MYCBP2: variants seen among roughly 807,000 people sequenced by gnomAD.
The protein encoded by MYCBP2 is MYC binding protein 2, also known as E3 ubiquitin-protein ligase MYCBP2.
MYCBP2 carries 120 observed loss-of-function variants against 525.3 expected under a neutral mutation model. That is an observed-to-expected ratio of 0.23 (90% CI 0.20 to 0.27). The LOEUF (loss-of-function observed/expected upper bound fraction) is 0.27, where lower values mean the gene tolerates loss of function less well. Among genes scored for constraint, MYCBP2 ranks in the 10% least tolerant of loss-of-function variants. The pLI, the probability that MYCBP2 is intolerant of heterozygous loss-of-function variation, is 1.00. For synonymous variants in MYCBP2, 1,894 were observed against 1,955.8 expected (o/e 0.97, Z 0.83); for missense variants, 4,149 against 5,657.1 (o/e 0.73, Z 8.55).
At chr13:77,281,377 C>T (rs1400693911) in intron 3 of MYCBP2, among the ~76,000 whole-genome samples, 1 of 151,842 alleles carries the variant, frequency 6.6e-6, no homozygotes, top group Non-Finnish European at 1.5e-5. Context: ...AAATCATCTA[C>T]AATAAATATG....
chr13:77,212,908 G>C (rs531275516), intron 21 of MYCBP2, among the ~76,000 whole-genome samples: 1 of 152,046 alleles, frequency 6.6e-6, no homozygotes, highest in Non-Finnish European at 1.5e-5. Context: ...CCCCTGGCTC[G>C]GGACCTCTCT....
rs2046582702 is a variant in MYCBP2, at chr13:77,098,575, G to A, written c.8579C>T (p.Thr2860Ile). 9 of 1,613,754 alleles carry A rather than the reference G, an allele frequency of 5.6e-6. No homozygotes were observed. Among genetic ancestry groups the A allele is most frequent in the Non-Finnish European group, 7.6e-6 (9 of 1,179,808 alleles). The change falls in exon 56 of 83, where the codon ACA becomes ATA. Residue 2860 changes from threonine (T) to isoleucine (I), a missense_variant. Transcript: ENST00000544440. ...LPQKSTAPVKTKLDPPRERSK... is the reference protein window; with the variant it reads ...LPQKSTAPVKIKLDPPRERSK... ...ACGTTCCCGAGGAGGATCAAGCTTTGTCTTAACAGGAGCAGTACTTTTTTG... is the reference window on the plus strand; with the variant it reads ...ACGTTCCCGAGGAGGATCAAGCTTTATCTTAACAGGAGCAGTACTTTTTTG...
chr13:77,280,048 A>G lies in MYCBP2; in HGVS notation c.595-1137T>C, dbSNP rs544714810. On this transcript the variant is annotated intron_variant, in intron 3 of 82. Coordinates refer to ENST00000544440, the MANE Select transcript of MYCBP2 (RefSeq NM_015057.5). ...CTAGCATATGGTAGGCACACATTAA[A>G]TATTTGTTTAATTTATTCACTAAAT... Among the ~76,000 whole-genome samples, 70 of 152,336 alleles carry G rather than the reference A, an allele frequency of 4.6e-4. No homozygotes were observed. The East Asian group carries it at 0.01, about 22-fold the overall frequency.
chr13:77,203,040 G>T (rs1386655887), intron 26 of MYCBP2, among the ~76,000 whole-genome samples: 1 of 151,048 alleles, frequency 6.6e-6, no homozygotes, highest in African/African-American at 2.4e-5. Flanking sequence ...GGAAGTTCTG[G>T]CCAGGGCAAT....
chr13:77,263,823 A>T (rs778130863), intron 9 of MYCBP2, 34 bp from the exon 10 acceptor site: 5 of 1,611,938 alleles, frequency 3.1e-6, no homozygotes, highest in Non-Finnish European at 4.2e-6. Context: ...GCATTACATT[A>T]CATAAAGAGG....
At chr13:77,117,791 T>C (rs544511620) in intron 55 of MYCBP2, among the ~76,000 whole-genome samples, 1 of 152,296 alleles carries the variant, frequency 6.6e-6, no homozygotes, top group Non-Finnish European at 1.5e-5. Flanking sequence ...TTTTTGGGTA[T>C]CTTTTCCAAA....
intron 46 of MYCBP2, among the ~76,000 whole-genome samples, chr13:77,154,921 TAGAG>T (rs1286670710): frequency 6.6e-6 from 1 of 152,026 alleles, no homozygotes; most frequent in African/African-American, 2.4e-5. Flanking sequence ...AAAAATAAGA[TAGAG>T]AAAGCATCAG....
In MYCBP2 at chr13:77,174,416, G is replaced by A; in HGVS notation, c.5546C>T (p.Thr1849Ile). Residue 1849 changes from threonine to isoleucine, a missense_variant, in exon 37 of 83, where the codon ACA (threonine) becomes ATA (isoleucine). By Grantham distance (89) the Thr-to-Ile change is moderately conservative (BLOSUM62 -1). Transcript: ENST00000544440. ...RTANGDGGMT[T>I]VQCPDGVTFT... Reference sequence around the variant, plus strand: ...TGTCACACCATCAGGGCACTGAACTGTGGTCATTCCTCCATCTCCATTGGC... The same window carrying A: ...TGTCACACCATCAGGGCACTGAACTATGGTCATTCCTCCATCTCCATTGGC... 6.2e-7 allele frequency: 1 copy of A among 1,614,134 alleles called. No homozygotes were observed. Among genetic ancestry groups the A allele is most frequent in the Non-Finnish European group, 8.5e-7 (1 of 1,180,000 alleles).
chr13:77,119,291 G>A (rs2050290785), intron 55 of MYCBP2, among the ~76,000 whole-genome samples: 1 of 152,078 alleles, frequency 6.6e-6, no homozygotes, highest in South Asian at 2.1e-4. Flanking sequence ...TGATGCTGGA[G>A]GTGGGGAGAG....
At chr13:77,170,212 C>T (rs2059001801) in intron 38 of MYCBP2, among the ~76,000 whole-genome samples, 1 of 152,192 alleles carries the variant, frequency 6.6e-6, no homozygotes, top group South Asian at 2.1e-4. Flanking sequence ...ACAACACCTA[C>T]ACATATTCAG....
At chr13:77,181,667 G>A in intron 33 of MYCBP2, 34 bp downstream of exon 33, 1 of 1,557,598 alleles carries the variant, frequency 6.4e-7, no homozygotes, top group Non-Finnish European at 8.8e-7. Context: ...GAGTTTTAGT[G>A]CCTCTGTATA....
intron 17 of MYCBP2, among the ~76,000 whole-genome samples, chr13:77,239,061 A>C (rs2068419999): frequency 6.6e-6 from 1 of 152,146 alleles, no homozygotes; most frequent in East Asian, 1.9e-4. Flanking sequence ...CGGAGGTTGC[A>C]GTGAGCCGAG....
chr13:77,229,523 C>A (rs953134116), intron 18 of MYCBP2, among the ~76,000 whole-genome samples: 3 of 151,958 alleles, frequency 2.0e-5, no homozygotes, highest in Non-Finnish European at 4.4e-5. Context: ...AAATATTGTA[C>A]CTTTAAGATA....
At chr13:77,299,939 A>G (rs1308259365) in intron 1 of MYCBP2, among the ~76,000 whole-genome samples, 1 of 152,234 alleles carries the variant, frequency 6.6e-6, no homozygotes, top group Non-Finnish European at 1.5e-5. Flanking sequence ...CTTAAGAAAA[A>G]TCAAATACTT....
At position 77,309,366 on chromosome 13, in the gene MYCBP2, T is replaced by C. The variant is rs150977758; in HGVS notation, c.303-12692A>G. ...GACTTTGAATATACTGAACATAATGTATCTGAACAGGACTGAGAGAATCCT... is the reference window on the plus strand; with the variant it reads ...GACTTTGAATATACTGAACATAATGCATCTGAACAGGACTGAGAGAATCCT... On this transcript the variant is annotated intron_variant, in intron 1 of 82. Transcript: ENST00000544440. Among the ~76,000 whole-genome samples, 4 of 152,322 alleles carry C rather than the reference T, an allele frequency of 2.6e-5. No homozygotes were observed. In the East Asian group the frequency reaches 7.7e-4, roughly 29 times the overall value.
chr13:77,326,395 A>T lies in MYCBP2; in HGVS notation c.302+79T>A. 1 of 1,381,760 alleles carries T rather than the reference A, an allele frequency of 7.2e-7. No individual in the cohort carries two copies. The highest frequency in any genetic ancestry group is 1.5e-5 in the African/African-American group (1 of 66,746). The allele number at this position is 1,381,760 out of a possible 1,614,324, so 85.6% of individuals were successfully genotyped here. On this transcript the variant is annotated intron_variant, in intron 1 of 82. Transcript: ENST00000544440. The surrounding 1 kb of genome is among the most constrained non-coding windows in gnomAD (Gnocchi z 4.2). Reference sequence around the variant, plus strand: ...CGCAGGTACACACACGCAAGCACACACACACGCGGGTGCACGCGCGGCATG... The same window carrying T: ...CGCAGGTACACACACGCAAGCACACTCACACGCGGGTGCACGCGCGGCATG...
chr13:77,202,686 C>G (rs2062778099), intron 26 of MYCBP2, among the ~76,000 whole-genome samples: 1 of 151,956 alleles, frequency 6.6e-6, no homozygotes, highest in African/African-American at 2.4e-5. Flanking sequence ...CATCAAAAAG[C>G]TTATCCACCA....
At chr13:77,150,702 C>A (rs1287740332) in intron 47 of MYCBP2, 32 bp downstream of exon 47, 1 of 1,591,440 alleles carries the variant, frequency 6.3e-7, no homozygotes, top group Non-Finnish European at 8.6e-7. Context: ...ATGCTGAAAA[C>A]TAAAATTTTT....
At chr13:77,147,049 T>G (rs1484289092) in intron 47 of MYCBP2, among the ~76,000 whole-genome samples, 1 of 152,114 alleles carries the variant, frequency 6.6e-6, no homozygotes, top group African/African-American at 2.4e-5. Context: ...TTAAAATGAA[T>G]GACCTATAGC....
Sources: allele counts gnomAD v4.1 joint callset (sites outside exome capture counted in the v4.1 genomes callset), GRCh38; gene constraint gnomAD v4.1.1; non-coding constraint Gnocchi (gnomAD v3.1); transcripts MANE v1.5; gene names NCBI Gene and HGNC (gene_info 2026-07-23, HGNC 2026-07-21).